Variants in MMS22L observed in about 807,000 individuals in gnomAD.
MMS22L encodes MMS22 like, DNA repair protein.
A neutral mutation model predicts 159.1 loss-of-function variants in MMS22L; 74 were observed. The ratio of observed to expected loss-of-function variants is 0.47; its 90% CI spans 0.39 to 0.56. The LOEUF (loss-of-function observed/expected upper bound fraction) is 0.56, where lower values mean the gene tolerates loss of function less well. Among genes scored for constraint, MMS22L ranks in the 20% least tolerant of loss-of-function variants. The probability of loss-of-function intolerance (pLI) is 0.00; values close to 1 mark genes in which losing one functional copy is unlikely to be tolerated. For synonymous variants in MMS22L, 517 were observed against 506.9 expected, an observed-to-expected ratio of 1.02 and a Z score of -0.27; for missense variants, 1,351 against 1,422.1, an observed-to-expected ratio of 0.95 and a Z score of 0.80.
rs1163155271 is a variant in MMS22L, at chr6:97,276,449, TAAA to T, written c.340+2397_340+2399del. 6.9e-4 allele frequency among the ~76,000 whole-genome samples: 105 copies of T among 152,238 alleles called. 1 individual carries two copies. The highest frequency in any genetic ancestry group is 2.4e-3 in the African/African-American group (99 of 41,528). ...TTACTTAAGTTATTCTACGTAAAGGTAAAGGTATTTTGGTTCTTTCCACTATAA... is the reference window on the plus strand; with the variant it reads ...TTACTTAAGTTATTCTACGTAAAGGTGGTATTTTGGTTCTTTCCACTATAA... On this transcript the variant is annotated intron_variant, in intron 4 of 24. Coordinates refer to ENST00000683635, the MANE Select transcript of MMS22L (RefSeq NM_001350599.2).
intron 7 of MMS22L, 94 bp from the exon 8 acceptor site, chr6:97,268,096 AACAT>A (rs1193344242): frequency 2.2e-6 from 2 of 904,582 alleles, no homozygotes; most frequent in East Asian, 3.1e-5. Context: ...ACAAAACTAA[AACAT>A]ACAGTTTTTA....
intron 14 of MMS22L, among the ~76,000 whole-genome samples, chr6:97,202,464 A>T (rs1384807491): frequency 1.3e-5 from 2 of 152,162 alleles, no homozygotes; most frequent in Non-Finnish European, 2.9e-5. Context: ...TATGGGAGGG[A>T]TCCTATGCAT....
chr6:97,172,369 A>G (rs1169065558), intron 19 of MMS22L, among the ~76,000 whole-genome samples: 2 of 152,164 alleles, frequency 1.3e-5, no homozygotes, highest in East Asian at 3.8e-4. Flanking sequence ...TAAAGGGAAC[A>G]GATAAAAGGT....
At chr6:97,270,055 C>T in intron 6 of MMS22L, 63 bp from the exon 7 acceptor site, 3 of 1,283,400 alleles carry the variant, frequency 2.3e-6, no homozygotes, top group East Asian at 2.3e-5. Context: ...TATTTCATAG[C>T]ATGTCACAAT....
intron 22 of MMS22L, among the ~76,000 whole-genome samples, chr6:97,159,948 GTTTTT>G (rs368455553): frequency 1.4e-4 from 14 of 97,180 alleles, no homozygotes; most frequent in African/African-American, 4.4e-4. Flanking sequence ...TATCATTTCT[GTTTTT>G]TTTTTTTTTT....
rs113592736 is a variant in MMS22L at position 97,167,212 on chromosome 6, C to T, written c.3009+859G>A. Among the ~76,000 whole-genome samples, 35 of 152,146 alleles carry T rather than the reference C, an allele frequency of 2.3e-4. 2 individuals carry two copies. The highest frequency in any genetic ancestry group is 7.7e-4 in the African/African-American group (32 of 41,530). On this transcript the variant is annotated intron_variant, in intron 20 of 24. Transcript: ENST00000683635. Reference sequence around the variant, plus strand: ...CAGAAACCAATCCTTACCTTCATCCCGACATCTCCAGGATTTCCCACGTTA... The same window carrying T: ...CAGAAACCAATCCTTACCTTCATCCTGACATCTCCAGGATTTCCCACGTTA...
intron 9 of MMS22L, 128 bp downstream of exon 9, chr6:97,263,207 T>C (rs1177924890): frequency 4.9e-6 from 3 of 608,984 alleles, no homozygotes; most frequent in South Asian, 4.2e-5. Flanking sequence ...ACTCAGTTAT[T>C]GCTCTATTGG....
At chr6:97,255,403 AC>A (rs1367788530) in intron 9 of MMS22L, among the ~76,000 whole-genome samples, 1 of 152,068 alleles carries the variant, frequency 6.6e-6, no homozygotes, top group Admixed American at 6.6e-5. Context: ...ATCTTAAGTA[AC>A]ATTGGCCAAT....
At chr6:97,252,082 C>CAA (rs759073880) in intron 10 of MMS22L, among the ~76,000 whole-genome samples, 2 of 114,582 alleles carry the variant, frequency 1.7e-5, no homozygotes, top group Non-Finnish European at 3.7e-5. Context: ...GACTCCATCT[C>CAA]AAAAAAAAAA....
intron 18 of MMS22L, 54 bp from the exon 19 acceptor site, chr6:97,173,276 T>G: frequency 1.3e-6 from 2 of 1,545,210 alleles, no homozygotes; most frequent in Non-Finnish European, 1.8e-6. Flanking sequence ...CCATAAAGAT[T>G]TGGAACATAA....
chr6:97,159,948 G>GTTTTTTTTTTTTTTTTTTTTTTTTTTTT (rs368455553), intron 22 of MMS22L, among the ~76,000 whole-genome samples: 2 of 97,170 alleles, frequency 2.1e-5, no homozygotes, highest in African/African-American at 4.0e-5. Context: ...TATCATTTCT[G>GTTTTTTTTTTTTTTTTTTTTTTTTTTTT]TTTTTTTTTT....
intron 3 of MMS22L, among the ~76,000 whole-genome samples, chr6:97,279,640 A>T (rs1321231430): frequency 6.6e-6 from 1 of 151,096 alleles, no homozygotes; most frequent in Non-Finnish European, 1.5e-5. Context: ...CACAAAAATT[A>T]GCCGGGCGTG....
At chr6:97,194,234 AT>A (rs778276538) in intron 14 of MMS22L, among the ~76,000 whole-genome samples, 1 of 150,056 alleles carries the variant, frequency 6.7e-6, no homozygotes, top group Non-Finnish European at 1.5e-5. Flanking sequence ...ATTTTTGCAT[AT>A]TTAGTAAAGA....
At chr6:97,240,456 G>A (rs1051988998) in intron 11 of MMS22L, among the ~76,000 whole-genome samples, 1 of 152,120 alleles carries the variant, frequency 6.6e-6, no homozygotes. Context: ...GAAACTCTGG[G>A]CCATGCAAAC....
rs1800880894 is a variant in MMS22L at position 97,145,251 on chromosome 6, T to C, written c.*1555A>G. 1 of 152,198 alleles carries C rather than the reference T, an allele frequency of 6.6e-6. No homozygotes were observed. Among genetic ancestry groups the C allele is most frequent in the Admixed American group, 6.5e-5 (1 of 15,278 alleles). 9.4% of individuals were successfully genotyped at this position (152,198 alleles called of 1,614,324 possible). On this transcript the variant is annotated 3_prime_UTR_variant, in exon 25 of 25. Transcript: ENST00000683635. ...TTAAGCTTTCATTTATTCCCTTTGA[T>C]GAAGCTGATTTGAGAGAAGGACCAT...
chr6:97,183,123 C>T (rs1229103100), intron 15 of MMS22L, among the ~76,000 whole-genome samples: 2 of 151,988 alleles, frequency 1.3e-5, no homozygotes, highest in Non-Finnish European at 2.9e-5. Flanking sequence ...TGTAAAGTAC[C>T]CCAATTTTTG....
Position 97,267,943 on chromosome 6 carries a change from T to C in MMS22L, c.757A>G (p.Ser253Gly). Residue 253 changes from serine to glycine, a missense_variant, in exon 8 of 25, where the codon AGC becomes GGC. Physicochemically the swap from Ser to Gly is moderately conservative, Grantham distance 56. Coordinates refer to ENST00000683635, the MANE Select transcript of MMS22L (RefSeq NM_001350599.2). ...GTTTCACAATGTTCTTCAAATAGGC[T>C]GATGTTGGTTAAATTGTCACTTGCC... ...NLASDNLTNI[S>G]LFEEHCETLL... 1.2e-6 allele frequency: 2 copies of C among 1,609,138 alleles called. No individual in the cohort carries two copies. Among genetic ancestry groups the C allele is most frequent in the South Asian group, 2.2e-5 (2 of 90,210 alleles).
chr6:97,245,810 T>G (rs1372249807), intron 11 of MMS22L, among the ~76,000 whole-genome samples: 3 of 147,906 alleles, frequency 2.0e-5, no homozygotes, highest in Non-Finnish European at 4.5e-5. Flanking sequence ...AAAAGAAAAT[T>G]TCAAGCAATT....
chr6:97,150,262 T>C (rs1189476227), intron 23 of MMS22L, among the ~76,000 whole-genome samples: 1 of 151,308 alleles, frequency 6.6e-6, no homozygotes, highest in East Asian at 1.9e-4. Flanking sequence ...AAGGGAAGAG[T>C]TGGAAGCTTG....
Sources: gnomAD v4.1 joint callset for allele counts (sites outside exome capture counted in the v4.1 genomes callset) on GRCh38, gnomAD v4.1.1 for gene constraint, MANE v1.5 for transcripts, NCBI Gene and HGNC (gene_info 2026-07-23, HGNC 2026-07-21) for gene names.